Variants in NAP1L1 observed in about 807,000 individuals in gnomAD.
NAP1L1 encodes nucleosome assembly protein 1-like 1.
In NAP1L1, 9 loss-of-function variants were observed where a neutral mutation model predicts 58.9. That is an observed-to-expected ratio of 0.15 (90% CI 0.09 to 0.27). The LOEUF (loss-of-function observed/expected upper bound fraction) is 0.27. Among genes scored for constraint, NAP1L1 ranks in the 10% least tolerant of loss-of-function variants. The pLI, the probability that NAP1L1 is intolerant of heterozygous loss-of-function variation, is 1.00. For missense variants in NAP1L1, 302 were observed against 458.8 expected (o/e 0.66, Z 3.12); for synonymous variants, 130 against 138.3 (o/e 0.94, Z 0.42).
Position 76,043,020 on chromosome 12 carries a change from A to G in NAP1L1, c.*5409T>C, listed in dbSNP as rs1325192033. 6.6e-6 allele frequency: 1 copy of G among 152,248 alleles called. No individual in the cohort carries two copies. Among genetic ancestry groups the G allele is most frequent in the Non-Finnish European group, 1.5e-5 (1 of 68,044 alleles). 9.4% of individuals were successfully genotyped at this position (152,248 alleles called of 1,614,324 possible). On this transcript the variant is annotated 3_prime_UTR_variant, in exon 15 of 15. Coordinates refer to ENST00000618691, the MANE Select transcript of NAP1L1 (RefSeq NM_004537.7). The stretch of plus-strand genomic sequence containing the variant: ...ATTCACTGCAGATAAAACTTTATTC[A>G]GCAATTTTTTTAAATAAAGCTTTTG...
chr12:76,053,301 T>G lies in NAP1L1; in HGVS notation c.820A>C (p.Lys274Gln), dbSNP rs991746233. 1 of 1,613,894 alleles carries G rather than the reference T, an allele frequency of 6.2e-7. No individual in the cohort carries two copies. Among genetic ancestry groups the G allele is most frequent in the African/African-American group, 1.3e-5 (1 of 74,920 alleles). The change falls in exon 10 of 15, where the codon AAG (lysine) becomes CAG (glutamine). Residue 274 changes from lysine to glutamine, a missense_variant. Coordinates refer to ENST00000618691, the MANE Select transcript of NAP1L1 (RefSeq NM_004537.7). ...CGTCCCTTGTGTTTCTGCTTCTTCTTAATAGTTTTCAAAGTGACATTCTTT... is the reference window on the plus strand; with the variant it reads ...CGTCCCTTGTGTTTCTGCTTCTTCTGAATAGTTTTCAAAGTGACATTCTTT... ...KGKNVTLKTI[K>Q]KKQKHKGRGT...
At chr12:76,057,853 CA>C in intron 6 of NAP1L1, 3 of 1,495,760 alleles carry the variant, frequency 2.0e-6, no homozygotes, top group Middle Eastern at 1.7e-4. Context: ...TCAAATAAAA[CA>C]AAAAAACAAA....
intron 12 of NAP1L1, 92 bp downstream of exon 12, chr12:76,050,439 T>C: frequency 6.9e-7 from 1 of 1,448,144 alleles, no homozygotes; most frequent in East Asian, 2.4e-5. Context: ...TTATATTATG[T>C]CCTGCTTCTT....
At position 76,063,344 on chromosome 12, in the gene NAP1L1, G is replaced by A; in HGVS notation, c.207-3065C>T. ...CACTACCATAGTAACAAAAATCAAT[G>A]CCATTAACTTTGGAACCAGAAGGCG... On this transcript the variant is annotated intron_variant, in intron 4 of 14. Coordinates refer to ENST00000618691, the MANE Select transcript of NAP1L1 (RefSeq NM_004537.7). 1.3e-5 allele frequency among the ~76,000 whole-genome samples: 2 copies of A among 152,162 alleles called. 1 individual carries two copies. The highest frequency in any genetic ancestry group is 2.9e-5 in the Non-Finnish European group (2 of 68,028).
intron 1 of NAP1L1, among the ~76,000 whole-genome samples, chr12:76,076,409 G>C (rs1950169938): frequency 6.6e-6 from 1 of 151,902 alleles, no homozygotes; most frequent in Non-Finnish European, 1.5e-5. Context: ...AGCACACAAA[G>C]CTTATTATAA....
intron 1 of NAP1L1, among the ~76,000 whole-genome samples, chr12:76,077,458 C>G (rs973252984): frequency 7.9e-5 from 12 of 152,038 alleles, no homozygotes; most frequent in South Asian, 4.2e-4. Flanking sequence ...AAGTGGGACC[C>G]AAAAATCTGC....
Position 76,077,658 on chromosome 12 carries a change from C to T in NAP1L1, c.-20-3419G>A, listed in dbSNP as rs112129958. On this transcript the variant is annotated intron_variant, in intron 1 of 14. Coordinates refer to ENST00000618691, the MANE Select transcript of NAP1L1 (RefSeq NM_004537.7). ...TGTGAAAAACTTTCATTCCTGAAAG[C>T]GACAAACTAGATTATGCAGATCAAT... Among the ~76,000 whole-genome samples, 503 of 152,060 alleles carry T rather than the reference C, an allele frequency of 3.3e-3. 2 individuals carry two copies. The highest frequency in any genetic ancestry group is 9.8e-3 in the African/African-American group (406 of 41,486).
chr12:76,061,075 A>G (rs556037976), intron 4 of NAP1L1: 4 of 431,780 alleles, frequency 9.3e-6, no homozygotes, highest in Admixed American at 5.3e-5. Flanking sequence ...AGCCTGGCTG[A>G]CAGAATGAGA....
At chr12:76,062,155 G>T (rs543121173) in intron 4 of NAP1L1, among the ~76,000 whole-genome samples, 1 of 152,184 alleles carries the variant, frequency 6.6e-6, no homozygotes, top group African/African-American at 2.4e-5. Context: ...AGCCCAATGC[G>T]AGGGTTGATG....
chr12:76,058,499 G>A (rs1397506455), intron 6 of NAP1L1, among the ~76,000 whole-genome samples: 1 of 150,468 alleles, frequency 6.6e-6, no homozygotes, highest in Non-Finnish European at 1.5e-5. Context: ...TGATTCTCCT[G>A]CCTGAGCCTC....
intron 3 of NAP1L1, among the ~76,000 whole-genome samples, chr12:76,067,796 A>G (rs1265288927): frequency 6.6e-6 from 1 of 152,220 alleles, no homozygotes; most frequent in Admixed American, 6.5e-5. Context: ...CTTCATTCAG[A>G]TGCCTATCTA....
At chr12:76,067,683 G>A in intron 3 of NAP1L1, 1 of 434,166 alleles carries the variant, frequency 2.3e-6, no homozygotes, top group Admixed American at 3.3e-5. Flanking sequence ...TCTATCTCTA[G>A]TCAAGACAGT....
intron 5 of NAP1L1, 24 bp from the exon 6 acceptor site, chr12:76,059,902 GC>G (rs1949322813): frequency 6.6e-7 from 1 of 1,523,602 alleles, no homozygotes; most frequent in Admixed American, 2.1e-5. Flanking sequence ...AAAAAAAAAG[GC>G]TGTATAAAAA....
chr12:76,055,218 T>A lies in NAP1L1; in HGVS notation c.559-128A>T. The A allele has an allele frequency of 5.3e-6, 3 of 562,118 alleles. No homozygotes were observed. The South Asian group carries it at 9.2e-5, about 17-fold the overall frequency. The allele number at this position is 562,118 out of a possible 1,614,324, so 34.8% of individuals were successfully genotyped here. On this transcript the variant is annotated intron_variant, in intron 7 of 14. Coordinates refer to ENST00000618691, the MANE Select transcript of NAP1L1 (RefSeq NM_004537.7). ...TAGTTTTGTATAGCAATTATGAACCTTAAGACTTACTCTCCAGGTTATGGC... is the reference window on the plus strand; with the variant it reads ...TAGTTTTGTATAGCAATTATGAACCATAAGACTTACTCTCCAGGTTATGGC...
intron 2 of NAP1L1, among the ~76,000 whole-genome samples, chr12:76,071,320 A>G (rs1436809444): frequency 6.6e-6 from 1 of 152,154 alleles, no homozygotes; most frequent in Non-Finnish European, 1.5e-5. Context: ...CCAAAATTAA[A>G]TAATAAGGAA....
intron 1 of NAP1L1, among the ~76,000 whole-genome samples, chr12:76,079,616 G>T (rs537258778): frequency 6.6e-6 from 1 of 151,562 alleles, no homozygotes; most frequent in South Asian, 2.1e-4. Context: ...ATAATAAAAG[G>T]TTCATACATA....
At chr12:76,063,830 A>G (rs1249978805) in intron 4 of NAP1L1, among the ~76,000 whole-genome samples, 1 of 151,332 alleles carries the variant, frequency 6.6e-6, no homozygotes, top group Non-Finnish European at 1.5e-5. Flanking sequence ...ATACTAGAGG[A>G]AGACACACAG....
Position 76,053,074 on chromosome 12 carries a change from A to C in NAP1L1, c.936+17T>G. ...ATATACTTAACAATTCAATAAATAT[A>C]TAACAATTCAACTTACCAGATCTCC... On this transcript the variant is annotated intron_variant, in intron 11 of 14. Transcript: ENST00000618691. 1 of 1,595,652 alleles carries C rather than the reference A, an allele frequency of 6.3e-7. No individual in the cohort carries two copies. The highest frequency in any genetic ancestry group is 8.6e-7 in the Non-Finnish European group (1 of 1,167,034).
intron 11 of NAP1L1, 128 bp from the exon 12 acceptor site, chr12:76,050,781 A>G: frequency 2.2e-6 from 2 of 919,598 alleles, no homozygotes; most frequent in Non-Finnish European, 3.2e-6. Context: ...CAGGAGGCCA[A>G]AGTAGGAGGA....
Sources: gnomAD v4.1 joint callset for allele counts (sites outside exome capture counted in the v4.1 genomes callset) on GRCh38, gnomAD v4.1.1 for gene constraint, MANE v1.5 for transcripts, NCBI Gene and HGNC (gene_info 2026-07-23, HGNC 2026-07-21) for gene names.